The following ATP2B2 variants were observed in gnomAD, a reference collection of about 807,000 sequenced individuals.
ATP2B2 encodes ATPase plasma membrane Ca2+ transporting 2.
A neutral mutation model predicts 120.0 loss-of-function variants in ATP2B2; 15 were observed. The observed-to-expected ratio is 0.12, with a 90% CI of 0.08 to 0.19. The LOEUF is 0.19. ATP2B2 is among the 10% of genes least tolerant of loss of function. ATP2B2 has a pLI of 1.00. For missense variants in ATP2B2, 1,045 were observed against 1,719.8 expected (o/e 0.61, Z 6.94); for synonymous variants, 694 against 700.3 (o/e 0.99, Z 0.14).
At chr3:10,399,361 T>C (rs769474294) in intron 5 of ATP2B2, among the ~76,000 whole-genome samples, 2 of 152,250 alleles carry the variant, frequency 1.3e-5, no homozygotes, top group African/African-American at 4.8e-5. Flanking sequence ...CCTGGAATAC[T>C]TTTTTCTTCT....
intron 1 of ATP2B2, among the ~76,000 whole-genome samples, chr3:10,637,873 G>A (rs1011602116): frequency 2.0e-5 from 3 of 151,942 alleles, no homozygotes; most frequent in African/African-American, 7.3e-5. Flanking sequence ...AAAACAAGTG[G>A]GAAGGAGAAA....
At chr3:10,464,537 C>G (rs2064652396) in intron 1 of ATP2B2, among the ~76,000 whole-genome samples, 1 of 152,186 alleles carries the variant, frequency 6.6e-6, no homozygotes, top group Non-Finnish European at 1.5e-5. Flanking sequence ...CTGGAATGCC[C>G]TCTCCTCTCT....
At chr3:10,701,713 G>A (rs141796342) in intron 1 of ATP2B2, among the ~76,000 whole-genome samples, 202 of 151,984 alleles carry the variant, frequency 1.3e-3, no homozygotes, top group African/African-American at 4.8e-3. Flanking sequence ...GGAAGCCTGA[G>A]GAAAGCTATG....
chr3:10,519,336 A>C (rs1179262935), intron 3 of ATP2B2, among the ~76,000 whole-genome samples: 1 of 152,192 alleles, frequency 6.6e-6, no homozygotes, highest in Non-Finnish European at 1.5e-5. Context: ...CCGAGGCGGG[A>C]GTGAATAATG....
intron 3 of ATP2B2, among the ~76,000 whole-genome samples, chr3:10,514,220 C>T (rs574835814): frequency 6.6e-6 from 1 of 152,148 alleles, no homozygotes; most frequent in Non-Finnish European, 1.5e-5. Context: ...CTTCCCTACC[C>T]TGTGATAGGT....
At chr3:10,656,271 C>A (rs1242388637) in intron 1 of ATP2B2, among the ~76,000 whole-genome samples, 1 of 152,196 alleles carries the variant, frequency 6.6e-6, no homozygotes, top group Non-Finnish European at 1.5e-5. Flanking sequence ...CGCATCATTT[C>A]TCTTTTGTAC....
intron 6 of ATP2B2, among the ~76,000 whole-genome samples, chr3:10,387,147 T>C (rs1196466159): frequency 6.6e-6 from 1 of 152,230 alleles, no homozygotes; most frequent in Admixed American, 6.5e-5. Flanking sequence ...ACTCTCCTTA[T>C]GTCCTCTGGG....
intron 1 of ATP2B2, among the ~76,000 whole-genome samples, chr3:10,700,886 G>C (rs926694212): frequency 2.0e-5 from 3 of 152,182 alleles, no homozygotes; most frequent in Admixed American, 6.5e-5. Flanking sequence ...GAAGAAATGG[G>C]GAAAAATAGC....
chr3:10,555,691 T>C (rs999347719), intron 2 of ATP2B2, among the ~76,000 whole-genome samples: 2 of 152,190 alleles, frequency 1.3e-5, no homozygotes, highest in Non-Finnish European at 2.9e-5. Context: ...AGCACCTCCA[T>C]TGTGGGGCTG....
chr3:10,486,457 T>A (rs1201522292), intron 1 of ATP2B2, among the ~76,000 whole-genome samples: 1 of 151,834 alleles, frequency 6.6e-6, no homozygotes, highest in Non-Finnish European at 1.5e-5. Flanking sequence ...CTCTACTTCT[T>A]CCACATCATC....
chr3:10,593,532 T>C (rs1272393683), intron 2 of ATP2B2, among the ~76,000 whole-genome samples: 2 of 152,132 alleles, frequency 1.3e-5, no homozygotes, highest in Admixed American at 1.3e-4. Flanking sequence ...TGAAACTGGA[T>C]CCCTTCCTTA....
intron 2 of ATP2B2, among the ~76,000 whole-genome samples, chr3:10,543,981 C>T (rs772451487): frequency 2.8e-4 from 42 of 152,250 alleles, no homozygotes; most frequent in African/African-American, 5.5e-4. Context: ...TCAGGTGATC[C>T]GCTTGCCTCG....
chr3:10,470,862 T>C (rs1334090868), intron 1 of ATP2B2, among the ~76,000 whole-genome samples: 2 of 152,046 alleles, frequency 1.3e-5, no homozygotes, highest in Non-Finnish European at 1.5e-5. Flanking sequence ...CCCACCCCCA[T>C]GTCTCGTAAC....
chr3:10,606,984 AAGAGAG>A (rs61094841), intron 2 of ATP2B2, among the ~76,000 whole-genome samples: 7 of 142,272 alleles, frequency 4.9e-5, no homozygotes, highest in Admixed American at 1.4e-4. Context: ...GAGAGAAAGA[AAGAGAG>A]AGAGAGAGAC....
At chr3:10,693,642 T>C (rs148978436) in intron 1 of ATP2B2, among the ~76,000 whole-genome samples, 4 of 152,372 alleles carry the variant, frequency 2.6e-5, no homozygotes, top group African/African-American at 7.2e-5. Context: ...ATTCTAGCAA[T>C]AGAGATATGA....
intron 3 of ATP2B2, among the ~76,000 whole-genome samples, chr3:10,530,449 T>C (rs901165655): frequency 6.6e-6 from 1 of 152,180 alleles, no homozygotes; most frequent in Non-Finnish European, 1.5e-5. Context: ...CGCACCACGC[T>C]TCCTCCCCAA....
upstream of ATP2B2, among the ~76,000 whole-genome samples, chr3:10,507,710 G>A (rs376234223): frequency 1.3e-5 from 2 of 152,118 alleles, no homozygotes; most frequent in Non-Finnish European, 2.9e-5. Flanking sequence ...TTCTGTGTCC[G>A]GCACACTTTA....
chr3:10,556,257 G>A (rs936039315), intron 2 of ATP2B2, among the ~76,000 whole-genome samples: 2 of 152,152 alleles, frequency 1.3e-5, no homozygotes, highest in African/African-American at 4.8e-5. Context: ...CCAGGCCAGG[G>A]ATATGTCTGA....
chr3:10,400,790 T>C (rs895682163), intron 5 of ATP2B2, among the ~76,000 whole-genome samples, 163 bp downstream of exon 5: 1 of 152,214 alleles, frequency 6.6e-6, no homozygotes, highest in Non-Finnish European at 1.5e-5. Context: ...CAATGTGTGT[T>C]TGTGAGAGAA....
Sources: allele counts gnomAD v4.1 joint callset (sites outside exome capture counted in the v4.1 genomes callset), GRCh38; gene constraint gnomAD v4.1.1; transcripts MANE v1.5; gene names NCBI Gene and HGNC (gene_info 2026-07-23, HGNC 2026-07-21).